The following SDCCAG8 variants were observed in gnomAD, a reference collection of about 807,000 sequenced individuals.
SDCCAG8 encodes SHH signaling and ciliogenesis regulator SDCCAG8.
SDCCAG8 carries 74 observed loss-of-function variants against 101.8 expected under a neutral mutation model. The observed-to-expected ratio is 0.73, with a 90% confidence interval of 0.60 to 0.88. SDCCAG8 has a LOEUF of 0.88. Ranked by LOEUF, SDCCAG8 falls within the 40% of genes least tolerant of loss-of-function variation. The probability of loss-of-function intolerance (pLI) is 0.00; values close to 1 mark genes in which losing one functional copy is unlikely to be tolerated. For missense variants in SDCCAG8, 787 were observed against 822.6 expected (o/e 0.96, Z 0.53); for synonymous variants, 281 against 292.9 (o/e 0.96, Z 0.41).
rs1379052420 is a variant in SDCCAG8 at position 243,293,161 on chromosome 1, T to C, written c.617T>C (p.Phe206Ser). 6.2e-7 allele frequency: 1 copy of C among 1,614,144 alleles called. No homozygotes were observed. Among genetic ancestry groups the C allele is most frequent in the Non-Finnish European group, 8.5e-7 (1 of 1,179,998 alleles). Residue 206 changes from phenylalanine (F) to serine (S), a missense_variant, in exon 6 of 18, where the codon TTT becomes TCT. Coordinates refer to ENST00000366541, the MANE Select transcript of SDCCAG8 (RefSeq NM_006642.5). ...SGVGETSKRP[F>S]SHDNADFGKA... The stretch of plus-strand genomic sequence containing the variant: ...GTGGGCGAAACCTCCAAAAGACCAT[T>C]TTCCCATGACAATGCAGATTTTGGC...
At chr1:243,312,176 G>A (rs567180286) in intron 8 of SDCCAG8, among the ~76,000 whole-genome samples, 2 of 152,282 alleles carry the variant, frequency 1.3e-5, no homozygotes, top group East Asian at 3.9e-4. Context: ...TAACTTTGAA[G>A]AGTGTCCAGC....
intron 9 of SDCCAG8, among the ~76,000 whole-genome samples, chr1:243,320,867 T>C (rs890428431): frequency 6.6e-6 from 1 of 152,208 alleles, no homozygotes; most frequent in Non-Finnish European, 1.5e-5. Flanking sequence ...TGCATTCTTC[T>C]CTGCTCCACT....
intron 12 of SDCCAG8, among the ~76,000 whole-genome samples, chr1:243,346,560 T>C (rs1206634865): frequency 6.6e-6 from 1 of 152,218 alleles, no homozygotes; most frequent in Non-Finnish European, 1.5e-5. Flanking sequence ...ATAGGGCAAA[T>C]GGTTAACCAC....
intron 16 of SDCCAG8, among the ~76,000 whole-genome samples, chr1:243,460,883 G>T (rs1051502730): frequency 6.6e-6 from 1 of 152,208 alleles, no homozygotes; most frequent in Non-Finnish European, 1.5e-5. Flanking sequence ...CACACCTGAA[G>T]AAAACCACAA....
At chr1:243,480,376 GTGGA>G (rs1203584704) in intron 16 of SDCCAG8, among the ~76,000 whole-genome samples, 2 of 74,748 alleles carry the variant, frequency 2.7e-5, no homozygotes, top group Non-Finnish European at 2.7e-5. Flanking sequence ...GGATGGATGG[GTGGA>G]TGGATGGATG....
In SDCCAG8 at chr1:243,346,990, A is replaced by G. The variant is rs145537491; in HGVS notation, c.1473+2659A>G. On this transcript the variant is annotated intron_variant, in intron 12 of 17. Transcript: ENST00000366541. ...TTTGCCCGTCCTCTTCCTCAGTCCTATTCCATCACTCATCATTTTGCCAGT... is the reference window on the plus strand; with the variant it reads ...TTTGCCCGTCCTCTTCCTCAGTCCTGTTCCATCACTCATCATTTTGCCAGT... Among the ~76,000 whole-genome samples the G allele has an allele frequency of 3.4e-4, 51 of 151,978 alleles. No homozygotes were observed. In the East Asian group the frequency reaches 7.7e-3, roughly 23 times the overall value.
chr1:243,445,186 G>A (rs927967929), intron 16 of SDCCAG8, among the ~76,000 whole-genome samples: 9 of 152,044 alleles, frequency 5.9e-5, no homozygotes, highest in South Asian at 4.1e-4. Context: ...TATATGACCC[G>A]AGTTATGTAG....
chr1:243,314,359 A>C (rs963320443), intron 8 of SDCCAG8, among the ~76,000 whole-genome samples: 7 of 152,164 alleles, frequency 4.6e-5, no homozygotes, highest in African/African-American at 1.7e-4. Flanking sequence ...CCATAGTCTA[A>C]ATTTGGTGAG....
At chr1:243,372,979 TAA>T (rs200354587) in intron 12 of SDCCAG8, among the ~76,000 whole-genome samples, 1,489 of 148,858 alleles carry the variant, frequency 0.01, 20 homozygotes, top group African/African-American at 0.035. Context: ...AATATATATA[TAA>T]GATAAGATAA....
chr1:243,464,519 T>TA (rs948206427), intron 16 of SDCCAG8, among the ~76,000 whole-genome samples: 9 of 152,170 alleles, frequency 5.9e-5, no homozygotes, highest in East Asian at 1.9e-4. Flanking sequence ...AAGGAATTGC[T>TA]AAAAAAAATC....
intron 5 of SDCCAG8, among the ~76,000 whole-genome samples, chr1:243,286,786 A>G (rs1296017530): frequency 6.6e-6 from 1 of 152,240 alleles, no homozygotes; most frequent in Non-Finnish European, 1.5e-5. Flanking sequence ...AATTAGCTGC[A>G]TGATGTAGCA....
intron 9 of SDCCAG8, among the ~76,000 whole-genome samples, chr1:243,327,491 TATA>T (rs1012573459): frequency 4.8e-4 from 61 of 127,200 alleles, no homozygotes; most frequent in Non-Finnish European, 8.8e-4. Flanking sequence ...AAATTAAAAT[TATA>T]ATTTATAATT....
chr1:243,300,512 A>G (rs1189880666), intron 6 of SDCCAG8, among the ~76,000 whole-genome samples: 1 of 152,188 alleles, frequency 6.6e-6, no homozygotes, highest in South Asian at 2.1e-4. Context: ...TTCTAGAGGG[A>G]AAGTGCAGGA....
chr1:243,490,210 A>T (rs969306809), intron 17 of SDCCAG8, among the ~76,000 whole-genome samples: 1 of 152,240 alleles, frequency 6.6e-6, no homozygotes, highest in East Asian at 1.9e-4. Flanking sequence ...CCTCTGCCAA[A>T]CATGTGTTCA....
chr1:243,476,021 TG>T, intron 16 of SDCCAG8: 1 of 985,458 alleles, frequency 1.0e-6, no homozygotes, highest in Non-Finnish European at 1.2e-6. Context: ...CACTCTGATC[TG>T]TCATGGACCT....
At position 243,275,856 on chromosome 1, in the gene SDCCAG8, GTTTTTTTTTTTTTT is replaced by G. The variant is rs11344816; in HGVS notation, c.420+1215_420+1228del. The stretch of plus-strand genomic sequence containing the variant: ...TGGGAGAGAGAGATCTTGAACCAAT[GTTTTTTTTTTTTTT>G]TTTTTTTTTTTTTTGATGGAGTCTC... On this transcript the variant is annotated intron_variant, in intron 4 of 17. Transcript: ENST00000366541. 2.9e-3 allele frequency among the ~76,000 whole-genome samples: 171 copies of G among 59,162 alleles called. 3 individuals are homozygous for G. Among genetic ancestry groups the G allele is most frequent in the African/African-American group, 0.012 (152 of 12,514 alleles). The allele number at this position is 59,162 out of a possible 152,430, so 38.8% of individuals were successfully genotyped here. A position where few individuals can be genotyped will look rare whatever the true frequency, so the allele number is the denominator to read the frequency against.
intron 10 of SDCCAG8, among the ~76,000 whole-genome samples, chr1:243,337,346 A>G (rs1364330662): frequency 2.6e-5 from 4 of 152,174 alleles, no homozygotes; most frequent in African/African-American, 7.2e-5. Context: ...CTGGATCTCT[A>G]TTCGATACAA....
chr1:243,360,983 A>G (rs74815542), intron 12 of SDCCAG8, among the ~76,000 whole-genome samples: 6 of 152,182 alleles, frequency 3.9e-5, no homozygotes, highest in Non-Finnish European at 7.3e-5. Context: ...ACAACTGGGC[A>G]GTGAATATAG....
At chr1:243,403,421 G>C in intron 13 of SDCCAG8, among the ~76,000 whole-genome samples, 1 of 152,294 alleles carries the variant, frequency 6.6e-6, no homozygotes, top group East Asian at 1.9e-4. Flanking sequence ...GATAACAATA[G>C]TAATAATACG....
Sources: allele counts gnomAD v4.1 joint callset (sites outside exome capture counted in the v4.1 genomes callset), GRCh38; gene constraint gnomAD v4.1.1; transcripts MANE v1.5; gene names NCBI Gene and HGNC (gene_info 2026-07-23, HGNC 2026-07-21).